ZNF649: variants seen among roughly 807,000 people sequenced by gnomAD.
ZNF649 encodes the protein zinc finger protein 649.
A neutral mutation model predicts 14.1 loss-of-function variants in ZNF649; 7 were observed. The observed-to-expected ratio is 0.49, with a 90% CI of 0.28 to 0.93. The LOEUF (loss-of-function observed/expected upper bound fraction) is 0.93, where lower values mean the gene tolerates loss of function less well. Among genes scored for constraint, ZNF649 ranks in the 40% least tolerant of loss-of-function variants. The probability of loss-of-function intolerance (pLI) is 0.10; values close to 1 mark genes in which losing one functional copy is unlikely to be tolerated. For missense variants in ZNF649, 544 were observed against 608.1 expected (o/e 0.89, Z 1.11); for synonymous variants, 227 against 212.3 (o/e 1.07, Z -0.60).
chr19:51,891,678 G>A lies in ZNF649; in HGVS notation c.458C>T (p.Pro153Leu). The change falls in exon 5 of 5, where the codon CCT (proline) becomes CTT (leucine). Residue 153 changes from proline to leucine, a missense_variant. By Grantham distance (98) the Pro-to-Leu change is moderately conservative. Coordinates refer to ENST00000354957, the MANE Select transcript of ZNF649 (RefSeq NM_023074.4). This position sits in a 1 kb window ranked among gnomAD's most constrained non-coding sequence, Gnocchi z 4.2. ...HEQMPTEIEF[P>L]ESRKPISTKS... ...GGTGCTGATGGGTTTTCTACTTTCA[G>A]GGAATTCAATTTCCGTAGGCATTTG... is the stretch of plus-strand genomic sequence containing the variant. 1.2e-6 allele frequency: 2 copies of A among 1,613,664 alleles called. No individual in the cohort carries two copies. Among genetic ancestry groups the A allele is most frequent in the Admixed American group, 1.7e-5 (1 of 59,900 alleles).
In ZNF649 at chr19:51,904,293, T is replaced by C. The variant is rs557156626; in HGVS notation, c.-188+621A>G. 2.6e-5 allele frequency: 4 copies of C among 152,230 alleles called. No individual in the cohort carries two copies. The East Asian group carries it at 7.7e-4, about 29-fold the overall frequency. The allele number at this position is 152,230 out of a possible 1,614,324, so 9.4% of individuals were successfully genotyped here. On this transcript the variant is annotated intron_variant, in intron 1 of 4. Transcript: ENST00000354957. ...ATTTTTCTTTTATCACTGATTTGAG[T>C]AATAATAAAACTCCGGTCTCCCCGC...
intron 4 of ZNF649, 64 bp downstream of exon 4, chr19:51,896,408 T>A (rs2085062605): frequency 6.9e-7 from 1 of 1,439,208 alleles, no homozygotes; most frequent in Non-Finnish European, 9.8e-7. Flanking sequence ...CTGTCATGCC[T>A]TCTCTAAATG....
chr19:51,900,222 A>G lies in ZNF649; in HGVS notation c.-115T>C. The stretch of plus-strand genomic sequence containing the variant: ...AGTCTCCATTTAAGAGTGTTCCCAG[A>G]AATGATGACATCCACATCCAGGAAC... On this transcript the variant is annotated 5_prime_UTR_variant, in exon 2 of 5. Coordinates refer to ENST00000354957, the MANE Select transcript of ZNF649 (RefSeq NM_023074.4). 1.2e-6 allele frequency: 1 copy of G among 822,676 alleles called. No individual in the cohort carries two copies. The highest frequency in any genetic ancestry group is 1.8e-6 in the Non-Finnish European group (1 of 564,856). The allele number at this position is 822,676 out of a possible 1,614,324, so 51.0% of individuals were successfully genotyped here. A position where few individuals can be genotyped will look rare whatever the true frequency, so the allele number is the denominator to read the frequency against.
At chr19:51,897,523 C>A (rs948066746) in intron 2 of ZNF649, among the ~76,000 whole-genome samples, 1 of 151,958 alleles carries the variant, frequency 6.6e-6, no homozygotes, top group African/African-American at 2.4e-5. Flanking sequence ...CTAGCATGAC[C>A]CCCTTCATGT....
rs774644386 is a variant in ZNF649, at chr19:51,891,755, C to T, written c.381G>A (p.Lys127=). 2.6e-5 allele frequency: 42 copies of T among 1,613,692 alleles called. No homozygotes were observed. The highest frequency in any genetic ancestry group is 3.4e-5 in the Non-Finnish European group (40 of 1,179,986). The change falls in exon 5 of 5, where the codon AAG becomes AAA. Residue 127 remains lysine, a synonymous_variant. Transcript: ENST00000354957. This position sits in a 1 kb window ranked among gnomAD's most constrained non-coding sequence, Gnocchi z 4.2. ...LTNQSRRYNR[K]EPAEFNGDGA... ...CATCTCCATTAAACTCAGCAGGCTC[C>T]TTTCTGTTGTATCTTCTGCTCTGGT...
At position 51,900,292 on chromosome 19, in the gene ZNF649, G is replaced by T; in HGVS notation, c.-185C>A. The stretch of plus-strand genomic sequence containing the variant: ...AACTCTCTTGCTTCTGGGGAGCCAG[G>T]ACCTATGGAGTAAAAATCAAGTTCA... On this transcript the variant is annotated splice_region_variant and 5_prime_UTR_variant, in exon 2 of 5. Transcript: ENST00000354957. The T allele has an allele frequency of 2.3e-6, 1 of 440,716 alleles. No individual in the cohort carries two copies. Among genetic ancestry groups the T allele is most frequent in the East Asian group, 3.4e-5 (1 of 29,042 alleles). The allele number at this position is 440,716 out of a possible 1,614,324, so 27.3% of individuals were successfully genotyped here.
chr19:51,902,120 C>G (rs563626358), intron 1 of ZNF649, among the ~76,000 whole-genome samples: 1 of 152,234 alleles, frequency 6.6e-6, no homozygotes, highest in South Asian at 2.1e-4. Flanking sequence ...AAGCAGAAAT[C>G]AGGCCCTCAC....
Position 51,891,564 on chromosome 19 carries a change from G to A in ZNF649, c.572C>T (p.Ser191Phe), listed in dbSNP as rs140316655. ...AATTCTCTTATGCTCAGTGAGCTGA[G>A]ACTTCTTGAGGAAAGCTTTCCCACA... ...TDCGKAFLKKSQLTEHKRIHT... is the reference protein window; with the variant it reads ...TDCGKAFLKKFQLTEHKRIHT... The change falls in exon 5 of 5, where the codon TCT becomes TTT. Residue 191 changes from serine to phenylalanine, a missense_variant. Coordinates refer to ENST00000354957, the MANE Select transcript of ZNF649 (RefSeq NM_023074.4). This position sits in a 1 kb window ranked among gnomAD's most constrained non-coding sequence, Gnocchi z 4.2. 4.3e-6 allele frequency: 7 copies of A among 1,614,094 alleles called. No homozygotes were observed. In the African/African-American group the frequency reaches 9.3e-5, roughly 22 times the overall value.
intron 1 of ZNF649, 140 bp from the exon 2 acceptor site, chr19:51,900,434 C>A: frequency 3.8e-6 from 1 of 265,808 alleles, no homozygotes; most frequent in East Asian, 6.6e-5. Context: ...CAAGTCTTTA[C>A]ATCCCAGGGC....
intron 1 of ZNF649, among the ~76,000 whole-genome samples, chr19:51,902,442 G>A (rs1274922311): frequency 1.3e-5 from 2 of 152,160 alleles, no homozygotes; most frequent in Non-Finnish European, 2.9e-5. Context: ...TCCTCCTCAG[G>A]TTCGATTAAT....
Position 51,890,906 on chromosome 19 carries a change from G to A in ZNF649, c.1230C>T (p.Ala410=), listed in dbSNP as rs752079804. The A allele has an allele frequency of 9.3e-6, 15 of 1,614,198 alleles. No individual in the cohort carries two copies. Among genetic ancestry groups the A allele is most frequent in the Middle Eastern group, 1.7e-4 (1 of 6,060 alleles). The stretch of plus-strand genomic sequence containing the variant: ...CAATGAGCATTGTCTTTGTAAGGAA[G>A]GCTTTCCCACAGTCACTGCATTTAT... The part of the protein sequence containing the change: ...KPYKCSDCGK[A]FLTKTMLIVH... Residue 410 remains alanine (A), a synonymous_variant, in exon 5 of 5, where the codon GCC becomes GCT. Transcript: ENST00000354957.
chr19:51,891,984 C>T lies in ZNF649; in HGVS notation c.239-87G>A, dbSNP rs149740302. ...TGCCTTGGGGTTGGCTGGCTTTTTA[C>T]TGGAACCCCTATAATACCAACATGG... On this transcript the variant is annotated intron_variant, in intron 4 of 4. Transcript: ENST00000354957. The surrounding 1 kb of genome is among the most constrained non-coding windows in gnomAD (Gnocchi z 4.2). The T allele has an allele frequency of 2.8e-3, 3,954 of 1,421,414 alleles. 12 individuals carry two copies. The highest frequency in any genetic ancestry group is 3.1e-3 in the Non-Finnish European group (3,301 of 1,068,540). 88.1% of individuals were successfully genotyped at this position (1,421,414 alleles called of 1,614,324 possible). A position where few individuals can be genotyped will look rare whatever the true frequency, so the allele number is the denominator to read the frequency against.
chr19:51,890,583 G>T lies in ZNF649; in HGVS notation c.*35C>A, dbSNP rs118021701. On this transcript the variant is annotated 3_prime_UTR_variant, in exon 5 of 5. Transcript: ENST00000354957. Reference sequence around the variant, plus strand: ...TGGGACATGACAAACTCAGCATTCCGCTGGAGGCTATATGATCAAACAGCA... The same window carrying T: ...TGGGACATGACAAACTCAGCATTCCTCTGGAGGCTATATGATCAAACAGCA... 7.0e-6 allele frequency: 10 copies of T among 1,421,176 alleles called. No individual in the cohort carries two copies. The highest frequency in any genetic ancestry group is 6.9e-5 in the Admixed American group (4 of 58,144). The allele number at this position is 1,421,176 out of a possible 1,614,324, so 88.0% of individuals were successfully genotyped here.
Position 51,891,070 on chromosome 19 carries a change from T to C in ZNF649, c.1066A>G (p.Ser356Gly). 2.5e-6 allele frequency: 4 copies of C among 1,614,236 alleles called. No homozygotes were observed. The highest frequency in any genetic ancestry group is 3.4e-6 in the Non-Finnish European group (4 of 1,180,038). ...TGTGCTACAAGGCAAGACTTCTGGC[T>C]GAAGGCCTTGCCACAGTCAATGCAT... ...YGCIDCGKAF[S>G]QKSCLVAHQR... Residue 356 changes from serine (S) to glycine (G), a missense_variant, in exon 5 of 5, where the codon AGC becomes GGC. By Grantham distance (56) the Ser-to-Gly change is moderately conservative. Coordinates refer to ENST00000354957, the MANE Select transcript of ZNF649 (RefSeq NM_023074.4). The surrounding 1 kb of genome is among the most constrained non-coding windows in gnomAD (Gnocchi z 4.2).
rs1376845603 is a variant in ZNF649 at position 51,890,676 on chromosome 19, A to AT, written c.1459dup (p.Met487AsnfsTer12). On this transcript the variant is annotated frameshift_variant, in exon 5 of 5. Transcript: ENST00000354957. LOFTEE classifies it high-confidence loss of function. ...CCCTGCCACCATTGCCACAGTTACCATATTAACAGGGCTTTTCCCCTGCAC... is the reference window on the plus strand; with the variant it reads ...CCCTGCCACCATTGCCACAGTTACCATTATTAACAGGGCTTTTCCCCTGCAC... The AT allele has an allele frequency of 6.2e-7, 1 of 1,614,070 alleles. No homozygotes were observed. Among genetic ancestry groups the AT allele is most frequent in the Non-Finnish European group, 8.5e-7 (1 of 1,180,032 alleles).
Position 51,900,145 on chromosome 19 carries a change from C to T in ZNF649, c.-38G>A. 1 of 1,480,300 alleles carries T rather than the reference C, an allele frequency of 6.8e-7. No individual in the cohort carries two copies. The highest frequency in any genetic ancestry group is 9.0e-7 in the Non-Finnish European group (1 of 1,113,220). The allele number at this position is 1,480,300 out of a possible 1,614,324, so 91.7% of individuals were successfully genotyped here. A position where few individuals can be genotyped will look rare whatever the true frequency, so the allele number is the denominator to read the frequency against. ...CAGGAAATACCCAAGAACTGGGATG[C>T]TTCGTCTTTGGTTTCTTCTGGATCC... On this transcript the variant is annotated 5_prime_UTR_variant, in exon 2 of 5. Transcript: ENST00000354957.
At position 51,890,178 on chromosome 19, in the gene ZNF649, A is replaced by C. The variant is rs2085008899; in HGVS notation, c.*440T>G. The C allele has an allele frequency of 6.4e-6, 1 of 156,232 alleles. No homozygotes were observed. The highest frequency in any genetic ancestry group is 1.9e-4 in the East Asian group (1 of 5,232). 9.7% of individuals were successfully genotyped at this position (156,232 alleles called of 1,614,324 possible). On this transcript the variant is annotated 3_prime_UTR_variant, in exon 5 of 5. Coordinates refer to ENST00000354957, the MANE Select transcript of ZNF649 (RefSeq NM_023074.4). ...GTGGAAAAAAGATTAGTGAACTGAA[A>C]GACATAGCTATGAGAACTATAAAAA...
intron 2 of ZNF649, among the ~76,000 whole-genome samples, chr19:51,898,514 T>G (rs1250043587): frequency 6.6e-6 from 1 of 152,046 alleles, no homozygotes; most frequent in Non-Finnish European, 1.5e-5. Flanking sequence ...GAGCCTCTGA[T>G]CCCATGGAAT....
intron 4 of ZNF649, among the ~76,000 whole-genome samples, chr19:51,895,410 C>G (rs111316906): frequency 4.6e-5 from 7 of 152,116 alleles, no homozygotes; most frequent in African/African-American, 1.4e-4. Flanking sequence ...ATGGCGCGAT[C>G]TCAGCTCACT....
Sources: gnomAD v4.1 joint callset for allele counts (sites outside exome capture counted in the v4.1 genomes callset) on GRCh38, gnomAD v4.1.1 for gene constraint, Gnocchi (gnomAD v3.1) non-coding constraint, MANE v1.5 for transcripts, NCBI Gene and HGNC (gene_info 2026-07-23, HGNC 2026-07-21) for gene names.